PDE4B: variants seen among roughly 807,000 people sequenced by gnomAD.
The protein encoded by PDE4B is 3',5'-cyclic-AMP phosphodiesterase 4B.
A neutral mutation model predicts 82.2 loss-of-function variants in PDE4B; 20 were observed. That is an observed-to-expected ratio of 0.24 (90% CI 0.17 to 0.35). PDE4B has a LOEUF of 0.35. Ranked by LOEUF, PDE4B falls within the 10% of genes least tolerant of loss-of-function variation. The pLI, the probability that PDE4B is intolerant of heterozygous loss-of-function variation, is 1.00. For missense variants in PDE4B, 655 were observed against 907.2 expected, an observed-to-expected ratio of 0.72 and a Z score of 3.57; for synonymous variants, 320 against 318.9, an observed-to-expected ratio of 1.00 and a Z score of -0.04.
chr1:66,081,520 A>G (rs1259193818), intron 3 of PDE4B, among the ~76,000 whole-genome samples: 2 of 152,150 alleles, frequency 1.3e-5, no homozygotes, highest in Non-Finnish European at 1.5e-5. Context: ...AATAACATCT[A>G]TCTATACTAA....
chr1:66,046,634 G>A (rs868653960), intron 3 of PDE4B, among the ~76,000 whole-genome samples: 11 of 151,882 alleles, frequency 7.2e-5, no homozygotes, highest in Middle Eastern at 6.8e-3. Flanking sequence ...TCTTATCTGC[G>A]TAAAATATTT....
At chr1:65,925,334 A>T (rs532156794) in intron 3 of PDE4B, among the ~76,000 whole-genome samples, 3 of 152,066 alleles carry the variant, frequency 2.0e-5, no homozygotes, top group African/African-American at 7.2e-5. Context: ...ACTGAAAATT[A>T]AAAAAAATTC....
intron 3 of PDE4B, among the ~76,000 whole-genome samples, chr1:65,962,004 G>A (rs1183092126): frequency 6.6e-6 from 1 of 152,168 alleles, no homozygotes; most frequent in Non-Finnish European, 1.5e-5. Context: ...CCCATTATAA[G>A]TTGAAAATAT....
At chr1:66,185,585 T>C (rs1472245222) in intron 3 of PDE4B, among the ~76,000 whole-genome samples, 1 of 152,194 alleles carries the variant, frequency 6.6e-6, no homozygotes, top group Non-Finnish European at 1.5e-5. Context: ...ATTTCTCTGA[T>C]GGCCAGTGAT....
intron 3 of PDE4B, among the ~76,000 whole-genome samples, chr1:66,054,500 G>A (rs1422499598): frequency 6.6e-6 from 1 of 152,124 alleles, no homozygotes; most frequent in Non-Finnish European, 1.5e-5. Flanking sequence ...CCTATATCTT[G>A]TGCTCTTTAA....
At chr1:65,936,111 G>GCAGGAT (rs2100532603) in intron 3 of PDE4B, among the ~76,000 whole-genome samples, 1 of 151,590 alleles carries the variant, frequency 6.6e-6, no homozygotes, top group East Asian at 1.9e-4. Context: ...CTAGGTCCTT[G>GCAGGAT]CAGGATCAGG....
intron 3 of PDE4B, among the ~76,000 whole-genome samples, chr1:66,120,279 C>T (rs17421832): frequency 0.11 from 16,547 of 152,132 alleles, 1,060 homozygotes; most frequent in Non-Finnish European, 0.13. Context: ...CTTCCCACTT[C>T]GTCTTTGATT....
intron 3 of PDE4B, among the ~76,000 whole-genome samples, chr1:66,079,172 C>G (rs529915785): frequency 0.011 from 936 of 82,972 alleles, 12 homozygotes; most frequent in African/African-American, 0.032. Context: ...TCTTTTCTCT[C>G]TCTCTCTCTC....
intron 3 of PDE4B, among the ~76,000 whole-genome samples, chr1:66,148,009 G>A (rs1300533669): frequency 6.6e-6 from 1 of 152,156 alleles, no homozygotes; most frequent in Non-Finnish European, 1.5e-5. Flanking sequence ...GGTGGCTTAT[G>A]CCTGTAATCC....
At chr1:66,069,671 G>A (rs1047121695) in intron 3 of PDE4B, among the ~76,000 whole-genome samples, 1 of 151,936 alleles carries the variant, frequency 6.6e-6, no homozygotes, top group Non-Finnish European at 1.5e-5. Context: ...GTCTACTGAG[G>A]ACATAAAAAG....
chr1:65,809,520 C>T (rs1645795763), intron 1 of PDE4B, among the ~76,000 whole-genome samples: 1 of 151,910 alleles, frequency 6.6e-6, no homozygotes, highest in Admixed American at 6.6e-5. Context: ...ATTTTATATT[C>T]CATTTGTATA....
At chr1:66,191,640 G>T (rs1011061675) in intron 3 of PDE4B, among the ~76,000 whole-genome samples, 5 of 152,134 alleles carry the variant, frequency 3.3e-5, no homozygotes, top group African/African-American at 1.2e-4. Context: ...AGTGGAAGGG[G>T]AGAATCGAGA....
At chr1:66,356,533 G>A (rs1459259437) in intron 9 of PDE4B, among the ~76,000 whole-genome samples, 1 of 152,176 alleles carries the variant, frequency 6.6e-6, no homozygotes, top group South Asian at 2.1e-4. Context: ...CACTTTCCAG[G>A]GAAGCGACCC....
At chr1:66,334,053 T>C (rs771969462) in intron 8 of PDE4B, among the ~76,000 whole-genome samples, 7 of 152,188 alleles carry the variant, frequency 4.6e-5, no homozygotes, top group Non-Finnish European at 7.3e-5. Context: ...TGGGACTCCA[T>C]GTAGAAGGAC....
chr1:66,044,323 T>TA (rs1197402599), intron 3 of PDE4B, among the ~76,000 whole-genome samples: 3 of 151,764 alleles, frequency 2.0e-5, no homozygotes, highest in Non-Finnish European at 4.4e-5. Flanking sequence ...GATAGTTTCA[T>TA]AAAAAATATT....
intron 3 of PDE4B, among the ~76,000 whole-genome samples, chr1:66,239,946 C>T (rs994162444): frequency 2.0e-5 from 3 of 152,196 alleles, no homozygotes; most frequent in Non-Finnish European, 4.4e-5. Flanking sequence ...TTGAGAAGTA[C>T]TTGTGGCATT....
At chr1:66,357,998 G>A (rs1284646754) in intron 9 of PDE4B, among the ~76,000 whole-genome samples, 1 of 152,150 alleles carries the variant, frequency 6.6e-6, no homozygotes, top group Non-Finnish European at 1.5e-5. Flanking sequence ...CCAGTGAAGG[G>A]CATGGAACTC....
At chr1:65,862,811 C>T (rs1354781562) in intron 1 of PDE4B, among the ~76,000 whole-genome samples, 3 of 152,126 alleles carry the variant, frequency 2.0e-5, no homozygotes, top group African/African-American at 7.2e-5. Context: ...TAATACATTT[C>T]TTCTAGATTT....
intron 3 of PDE4B, among the ~76,000 whole-genome samples, chr1:65,932,609 A>G (rs1450427554): frequency 6.6e-6 from 1 of 152,146 alleles, no homozygotes; most frequent in Non-Finnish European, 1.5e-5. Context: ...AACAAGATAA[A>G]TCTCCAGAAA....
Sources: gnomAD v4.1 joint callset for allele counts (sites outside exome capture counted in the v4.1 genomes callset) on GRCh38, gnomAD v4.1.1 for gene constraint, MANE v1.5 for transcripts, NCBI Gene and HGNC (gene_info 2026-07-23, HGNC 2026-07-21) for gene names.